Variants in LINGO2 observed in about 807,000 individuals in gnomAD.
LINGO2 encodes leucine-rich repeat and immunoglobulin-like domain-containing nogo receptor-interacting protein 2.
In LINGO2, 14 loss-of-function variants were observed where a neutral mutation model predicts 30.6. That is an observed-to-expected ratio of 0.46 (90% confidence interval 0.30 to 0.72). The LOEUF is 0.72. LINGO2 is among the 30% of genes least tolerant of loss of function. The probability of loss-of-function intolerance (pLI) is 0.07; values close to 1 mark genes in which losing one functional copy is unlikely to be tolerated. For synonymous variants in LINGO2, 317 were observed against 288.5 expected, an observed-to-expected ratio of 1.10 and a Z score of -1.00; for missense variants, 729 against 751.7, an observed-to-expected ratio of 0.97 and a Z score of 0.35.
chr9:28,995,098 G>C, the LINGO2 span, among the ~76,000 whole-genome samples: 1 of 151,790 alleles, frequency 6.6e-6, no homozygotes, highest in African/African-American at 2.4e-5. Flanking sequence ...CAAAATGGGA[G>C]AAAATTTTGG....
chr9:29,176,662 T>G, the LINGO2 span, among the ~76,000 whole-genome samples: 3 of 152,200 alleles, frequency 2.0e-5, no homozygotes, highest in Admixed American at 6.5e-5. Context: ...AAGAAAGAAG[T>G]AAAAATATAA....
chr9:28,642,159 A>G (rs963927363), intron 1 of LINGO2, among the ~76,000 whole-genome samples: 33 of 152,086 alleles, frequency 2.2e-4, no homozygotes, highest in African/African-American at 6.5e-4. Context: ...CACATATTAA[A>G]TATCTTCAAT....
At chr9:29,136,032 C>G in the LINGO2 span, among the ~76,000 whole-genome samples, 1 of 152,202 alleles carries the variant, frequency 6.6e-6, no homozygotes. Context: ...ACTACTGAAA[C>G]AAATCTCTCC....
chr9:28,247,065 C>G (rs1212045874), intron 4 of LINGO2, among the ~76,000 whole-genome samples: 2 of 152,134 alleles, frequency 1.3e-5, no homozygotes, highest in Non-Finnish European at 2.9e-5. Context: ...CATCTCACGC[C>G]AGTCAGAATG....
chr9:29,205,299 A>C, the LINGO2 span, among the ~76,000 whole-genome samples: 2 of 152,144 alleles, frequency 1.3e-5, no homozygotes, highest in African/African-American at 4.8e-5. Context: ...ACGGCCTCCC[A>C]AAGTGCTGGG....
intron 5 of LINGO2, among the ~76,000 whole-genome samples, chr9:27,967,532 T>A (rs1027804078): frequency 1.5e-4 from 23 of 152,132 alleles, no homozygotes; most frequent in African/African-American, 5.5e-4. Context: ...TCTGCCAAAA[T>A]AAATATAAAT....
At chr9:28,491,774 C>A (rs910043453) in intron 1 of LINGO2, among the ~76,000 whole-genome samples, 1 of 152,022 alleles carries the variant, frequency 6.6e-6, no homozygotes, top group Non-Finnish European at 1.5e-5. Flanking sequence ...ATAAAACAGG[C>A]TCCAATAGTA....
the LINGO2 span, among the ~76,000 whole-genome samples, chr9:29,071,227 G>A: frequency 6.7e-6 from 1 of 148,384 alleles, no homozygotes; most frequent in South Asian, 2.1e-4. Flanking sequence ...GTTTCATACT[G>A]TCACTAAAAC....
At chr9:28,762,810 G>C in the LINGO2 span, among the ~76,000 whole-genome samples, 2 of 151,928 alleles carry the variant, frequency 1.3e-5, no homozygotes, top group Non-Finnish European at 2.9e-5. Flanking sequence ...CCAATACCTT[G>C]TCTTTTGAAC....
At chr9:29,124,793 A>G in the LINGO2 span, among the ~76,000 whole-genome samples, 1 of 152,176 alleles carries the variant, frequency 6.6e-6, no homozygotes, top group Non-Finnish European at 1.5e-5. Flanking sequence ...AGAAATAGGA[A>G]CATTTTTACA....
intron 4 of LINGO2, among the ~76,000 whole-genome samples, chr9:28,070,716 T>TCTGTTTG (rs149627486): frequency 0.069 from 10,554 of 152,070 alleles, 1,104 homozygotes; most frequent in African/African-American, 0.23. Context: ...TTTGTTTTGT[T>TCTGTTTG]CTGTTTGTTT....
chr9:28,535,431 T>C lies in LINGO2; in HGVS notation c.-364-59406A>G, dbSNP rs144750603. 4.7e-3 allele frequency among the ~76,000 whole-genome samples: 720 copies of C among 152,190 alleles called. 4 individuals carry two copies. The highest frequency in any genetic ancestry group is 5.8e-3 in the Non-Finnish European group (394 of 67,992). On this transcript the variant is annotated intron_variant, in intron 1 of 5. Transcript: ENST00000379992. The stretch of plus-strand genomic sequence containing the variant: ...AAACAAACAACAAAATGGTATGCAG[T>C]TGGGAGAAGAGGGTGAGATTCCCAT...
At chr9:28,450,538 TTTTAAC>T (rs1824608294) in intron 2 of LINGO2, among the ~76,000 whole-genome samples, 1 of 152,050 alleles carries the variant, frequency 6.6e-6, no homozygotes, top group Non-Finnish European at 1.5e-5. Context: ...CTTTTGCTCC[TTTTAAC>T]TTTGAGGCTC....
chr9:28,841,150 T>A, the LINGO2 span, among the ~76,000 whole-genome samples: 1 of 151,974 alleles, frequency 6.6e-6, no homozygotes, highest in East Asian at 1.9e-4. Flanking sequence ...ATGGAATGTT[T>A]AATTAGTGTC....
At chr9:28,682,405 G>A in the LINGO2 span, among the ~76,000 whole-genome samples, 1 of 152,104 alleles carries the variant, frequency 6.6e-6, no homozygotes, top group Non-Finnish European at 1.5e-5. Flanking sequence ...AAAATAATCT[G>A]TTAATGAAGG....
intron 3 of LINGO2, among the ~76,000 whole-genome samples, chr9:28,306,671 T>C (rs965028369): frequency 1.3e-5 from 2 of 152,078 alleles, no homozygotes; most frequent in African/African-American, 4.8e-5. Flanking sequence ...ACAAAATTGA[T>C]AGACCGCTAG....
chr9:28,652,984 C>T (rs529295100), intron 1 of LINGO2, among the ~76,000 whole-genome samples: 1 of 152,060 alleles, frequency 6.6e-6, no homozygotes, highest in Non-Finnish European at 1.5e-5. Context: ...GCTGAAACTC[C>T]AGATAAAACT....
At chr9:28,732,339 G>A in the LINGO2 span, among the ~76,000 whole-genome samples, 1 of 150,836 alleles carries the variant, frequency 6.6e-6, no homozygotes, top group East Asian at 1.9e-4. Context: ...ATACAACAGG[G>A]GTTCACATTA....
At chr9:29,131,936 T>C in the LINGO2 span, among the ~76,000 whole-genome samples, 1 of 151,244 alleles carries the variant, frequency 6.6e-6, no homozygotes, top group Non-Finnish European at 1.5e-5. Context: ...GATTCCCTGG[T>C]ACAAAAATAC....
Sources: gnomAD v4.1 joint callset for allele counts (sites outside exome capture counted in the v4.1 genomes callset) on GRCh38, gnomAD v4.1.1 for gene constraint, MANE v1.5 for transcripts, NCBI Gene and HGNC (gene_info 2026-07-23, HGNC 2026-07-21) for gene names.